CCDC33: variants seen among roughly 807,000 people sequenced by gnomAD.
CCDC33 encodes coiled-coil domain containing 33, also known as coiled-coil domain-containing protein 33.
A neutral mutation model predicts 91.9 loss-of-function variants in CCDC33; 94 were observed. That is an observed-to-expected ratio of 1.02 (90% CI 0.87 to 1.21). CCDC33 has a LOEUF of 1.21. CCDC33 is among the 50% of genes most tolerant of loss of function. CCDC33 has a pLI of 0.00. For synonymous variants in CCDC33, 396 were observed against 374.5 expected, an observed-to-expected ratio of 1.06 and a Z score of -0.66; for missense variants, 940 against 935.5, an observed-to-expected ratio of 1.00 and a Z score of -0.06.
At chr15:74,268,607 C>A in intron 5 of CCDC33, 149 bp downstream of exon 5, 1 of 596,530 alleles carries the variant, frequency 1.7e-6, no homozygotes, top group Non-Finnish European at 3.0e-6. Flanking sequence ...CCAGGCCTTT[C>A]CAAAATAGCA....
At chr15:74,209,386 AG>A (rs1452269716) in intron 1 of CCDC33, 1 of 1,535,518 alleles carries the variant, frequency 6.5e-7, no homozygotes, top group East Asian at 2.4e-5. Flanking sequence ...CATCACTCCC[AG>A]GGGGCCACTG....
At chr15:74,209,442 A>ACCGGATCTGCATCCTG in exon 2 of CCDC33, 5 of 1,535,334 alleles carry the variant, frequency 3.3e-6, no homozygotes, top group Non-Finnish European at 4.4e-6. Context: ...GCTCTTAATA[A>ACCGGATCTGCATCCTG]CCGGATCTGC....
chr15:74,244,087 C>T lies in CCDC33; in HGVS notation c.124C>T (p.His42Tyr). The T allele has an allele frequency of 6.2e-7, 1 of 1,614,016 alleles. No individual in the cohort carries two copies. The highest frequency in any genetic ancestry group is 8.5e-7 in the Non-Finnish European group (1 of 1,179,946). Residue 42 changes from histidine to tyrosine, a missense_variant, in exon 2 of 19, where the codon CAT becomes TAT. His to Tyr is a moderately conservative substitution (Grantham distance 83, BLOSUM62 2). Coordinates refer to ENST00000398814, the MANE Select transcript of CCDC33 (RefSeq NM_025055.5). This position sits in a 1 kb window ranked among gnomAD's most constrained non-coding sequence, Gnocchi z 4.2. ...GAAGGAGACCATCATGGTCACCCTCCATGGGGCTACCAACCTGCCTGCCTG... is the reference window on the plus strand; with the variant it reads ...GAAGGAGACCATCATGGTCACCCTCTATGGGGCTACCAACCTGCCTGCCTG... Reference protein sequence around the residue: ...SKKETIMVTLHGATNLPACKD... With the variant: ...SKKETIMVTLYGATNLPACKD...
chr15:74,215,135 G>A (rs891643209), upstream of CCDC33, among the ~76,000 whole-genome samples: 1 of 152,232 alleles, frequency 6.6e-6, no homozygotes, highest in African/African-American at 2.4e-5. Context: ...TGCAGGATGA[G>A]TAGGGCTGCT....
chr15:74,266,767 T>C lies in CCDC33; in HGVS notation c.409T>C (p.Tyr137His), dbSNP rs2076176656. 6.2e-7 allele frequency: 1 copy of C among 1,613,908 alleles called. No homozygotes were observed. The highest frequency in any genetic ancestry group is 2.2e-5 in the East Asian group (1 of 44,880). ...CAAGTACCTGCGTGTCTTCCACCCC[T>C]ACCACTTTGAGCTGGTGAAGGTGAG... ...PIKYLRVFHP[Y>H]HFELVKPTES... is the part of the protein sequence containing the mutation. The change falls in exon 4 of 19, where the codon TAC becomes CAC. Residue 137 changes from tyrosine to histidine, a missense_variant. Coordinates refer to ENST00000398814, the MANE Select transcript of CCDC33 (RefSeq NM_025055.5).
rs2075470212 is a variant in CCDC33 at position 74,244,880 on chromosome 15, G to A, written c.185+732G>A. On this transcript the variant is annotated intron_variant, in intron 2 of 18. Transcript: ENST00000398814. The surrounding 1 kb of genome is among the most constrained non-coding windows in gnomAD (Gnocchi z 4.2). ...GTCACCCCTAGACCTTCTATAGACA[G>A]ACGGCGGGAGCCTTGGTGGCCTCCC... Among the ~76,000 whole-genome samples the A allele has an allele frequency of 6.6e-6, 1 of 152,216 alleles. No homozygotes were observed. The highest frequency in any genetic ancestry group is 6.5e-5 in the Admixed American group (1 of 15,288).
Position 74,332,702 on chromosome 15 carries a change from G to A in CCDC33, c.1795G>A (p.Gly599Ser), listed in dbSNP as rs2060465082. ...AGGCTTCCCTATGCTCTCAGCCTCT[G>A]GCCTTCCCTTGGGTTCTATGGGAGA... ...YTGFPMLSAS[G>S]LPLGSMGENL... The change falls in exon 16 of 19, where the codon GGC becomes AGC. Residue 599 changes from glycine (G) to serine (S), a missense_variant. By Grantham distance (56) the Gly-to-Ser change is moderately conservative (BLOSUM62 0). Transcript: ENST00000398814. 1 of 1,614,172 alleles carries A rather than the reference G, an allele frequency of 6.2e-7. No homozygotes were observed. The highest frequency in any genetic ancestry group is 2.2e-5 in the East Asian group (1 of 44,884).
chr15:74,217,316 G>A, exon 1 of CCDC33: 1 of 1,288,932 alleles, frequency 7.8e-7, no homozygotes, highest in Non-Finnish European at 1.0e-6. Flanking sequence ...CATCCCTGCT[G>A]AGACAGAGGC....
At chr15:74,243,751 G>A (rs1162749448) in intron 1 of CCDC33, 1 of 552,318 alleles carries the variant, frequency 1.8e-6, no homozygotes, top group Non-Finnish European at 3.4e-6. Flanking sequence ...GAGGTCAGGA[G>A]TTTGAGACCA....
In CCDC33 at chr15:74,332,802, G is replaced by A. The variant is rs769273608; in HGVS notation, c.1895G>A (p.Arg632His). Residue 632 changes from arginine to histidine, a missense_variant, in exon 16 of 19, where the codon CGC (arginine) becomes CAC (histidine). Physicochemically the swap from Arg to His is conservative, Grantham distance 29. Transcript: ENST00000398814. ...CTGCGGACGGAGCTGGATAAGAACC[G>A]CCACCAGCAGGCCCCCATCATTCTG... is the stretch of plus-strand genomic sequence containing the variant. The part of the protein sequence containing the change: ...AKLRTELDKN[R>H]HQQAPIILQQ... 1.2e-5 allele frequency: 19 copies of A among 1,613,984 alleles called. No individual in the cohort carries two copies. The highest frequency in any genetic ancestry group is 8.8e-5 in the South Asian group (8 of 91,080).
chr15:74,290,514 G>T (rs1346849275), intron 10 of CCDC33, among the ~76,000 whole-genome samples: 1 of 152,158 alleles, frequency 6.6e-6, no homozygotes, highest in Non-Finnish European at 1.5e-5. Context: ...CTTACTAAGG[G>T]TCCTGGTTGA....
rs1245753508 is a variant in CCDC33, at chr15:74,330,733, G to T, written c.1527G>T (p.Leu509Phe). ...AACTGAGGGACAGGGTGCAGCATTT[G>T]CAGAATGAGCTGATTCGAGTGAGCT... ...MKKLRDRVQH[L>F]QNELIRKNDR... The change falls in exon 13 of 19, where the codon TTG (leucine) becomes TTT (phenylalanine). Residue 509 changes from leucine (L) to phenylalanine (F), a missense_variant. By Grantham distance (22) the Leu-to-Phe change is conservative. Coordinates refer to ENST00000398814, the MANE Select transcript of CCDC33 (RefSeq NM_025055.5). The T allele has an allele frequency of 2.5e-6, 4 of 1,613,488 alleles. No individual in the cohort carries two copies. Among genetic ancestry groups the T allele is most frequent in the Non-Finnish European group, 3.4e-6 (4 of 1,179,930 alleles).
chr15:74,233,639 G>A (rs1317470472), upstream of CCDC33, among the ~76,000 whole-genome samples: 1 of 152,088 alleles, frequency 6.6e-6, no homozygotes, highest in South Asian at 2.1e-4. Context: ...ACCCAGAGCT[G>A]CACTAGAGAG....
intron 2 of CCDC33, among the ~76,000 whole-genome samples, chr15:74,246,921 C>A (rs1009003058): frequency 6.6e-6 from 1 of 151,148 alleles, no homozygotes; most frequent in African/African-American, 2.4e-5. Flanking sequence ...CCGAGGTGGG[C>A]GGATCACAGG....
At chr15:74,303,953 C>G (rs2059843575) in intron 11 of CCDC33, 1 of 152,272 alleles carries the variant, frequency 6.6e-6, no homozygotes, top group Non-Finnish European at 1.5e-5. Flanking sequence ...ACAGTGCTTA[C>G]CAAGCATTTT....
intron 7 of CCDC33, among the ~76,000 whole-genome samples, chr15:74,273,614 A>G (rs2076378214): frequency 6.6e-6 from 1 of 151,782 alleles, no homozygotes; most frequent in Non-Finnish European, 1.5e-5. Context: ...GCTTATAGGC[A>G]CATGCCACCA....
At chr15:74,324,228 T>C (rs905063312) in intron 11 of CCDC33, among the ~76,000 whole-genome samples, 28 of 152,162 alleles carry the variant, frequency 1.8e-4, no homozygotes, top group African/African-American at 6.3e-4. Context: ...GAGGGCACCG[T>C]GACATACACA....
intron 5 of CCDC33, 75 bp from the exon 6 acceptor site, chr15:74,271,628 G>A (rs2076319260): frequency 2.8e-6 from 3 of 1,066,362 alleles, no homozygotes; most frequent in Non-Finnish European, 2.9e-6. Flanking sequence ...AAGAGGGTAG[G>A]CAGTCTGGCT....
At chr15:74,317,176 G>A (rs1052327169) in intron 11 of CCDC33, among the ~76,000 whole-genome samples, 3 of 152,086 alleles carry the variant, frequency 2.0e-5, no homozygotes, top group South Asian at 2.1e-4. Context: ...TGGCTAACAC[G>A]GTGAAACCCA....
Sources: gnomAD v4.1 joint callset for allele counts (sites outside exome capture counted in the v4.1 genomes callset) on GRCh38, gnomAD v4.1.1 for gene constraint, Gnocchi (gnomAD v3.1) non-coding constraint, MANE v1.5 for transcripts, NCBI Gene and HGNC (gene_info 2026-07-23, HGNC 2026-07-21) for gene names.